D2HGDH: variants seen among roughly 807,000 people sequenced by gnomAD.
The protein encoded by D2HGDH is D-2-hydroxyglutarate dehydrogenase, mitochondrial.
In D2HGDH, 31 loss-of-function variants were observed where a neutral mutation model predicts 46.9. The ratio of observed to expected loss-of-function variants is 0.66; its 90% confidence interval spans 0.50 to 0.89. D2HGDH has a LOEUF of 0.89. Among genes scored for constraint, D2HGDH ranks in the 40% least tolerant of loss-of-function variants. The pLI is 0.00. For synonymous variants in D2HGDH, 364 were observed against 332.6 expected (o/e 1.09, Z -1.03); for missense variants, 698 against 720.8 (o/e 0.97, Z 0.36).
In D2HGDH at chr2:241,743,187, T is replaced by C. The variant is rs1158899495; in HGVS notation, c.491-435T>C. On this transcript the variant is annotated intron_variant, in intron 4 of 9. Transcript: ENST00000321264. This position sits in a 1 kb window ranked among gnomAD's most constrained non-coding sequence, Gnocchi z 4.8. ...TGGGCCTCTCCCCGCAAGGCCGGGC[T>C]CCAGGCCCCGGTCACTCTGTGGTCG... 1.3e-5 allele frequency among the ~76,000 whole-genome samples: 2 copies of C among 152,174 alleles called. No homozygotes were observed. The highest frequency in any genetic ancestry group is 4.8e-5 in the African/African-American group (2 of 41,438).
chr2:241,740,957 T>A, intron 2 of D2HGDH, 76 bp from the exon 3 acceptor site: 1 of 1,256,394 alleles, frequency 8.0e-7, no homozygotes. Flanking sequence ...AAAAACTCGC[T>A]CTCTGGGGCG....
At chr2:241,756,106 T>A (rs1698146767) in intron 9 of D2HGDH, 92 bp downstream of exon 9, 1 of 1,471,126 alleles carries the variant, frequency 6.8e-7, no homozygotes, top group African/African-American at 1.4e-5. Context: ...GCAGGGCAGT[T>A]TGACCATGGT....
chr2:241,754,153 C>A (rs903298325), intron 8 of D2HGDH, among the ~76,000 whole-genome samples: 1 of 152,222 alleles, frequency 6.6e-6, no homozygotes, highest in African/African-American at 2.4e-5. Context: ...CATCTTGTGG[C>A]CACGGGGACA....
At chr2:241,753,735 C>T (rs1450619152) in intron 8 of D2HGDH, among the ~76,000 whole-genome samples, 1 of 152,260 alleles carries the variant, frequency 6.6e-6, no homozygotes, top group Non-Finnish European at 1.5e-5. Context: ...GTCTCATTGG[C>T]ACTGCCTATC....
chr2:241,735,838 C>G, intron 2 of D2HGDH: 1 of 372,998 alleles, frequency 2.7e-6, no homozygotes, highest in Non-Finnish European at 5.0e-6. Context: ...CGTCGGCTCA[C>G]TGCCACCTCT....
At position 241,743,324 on chromosome 2, in the gene D2HGDH, G is replaced by T. The variant is rs1695020884; in HGVS notation, c.491-298G>T. ...CATGCCCAGGGCAGGATCAGCCCCA[G>T]CTGAGAATCTTCCCTCTTCTACTCC... On this transcript the variant is annotated intron_variant, in intron 4 of 9. Coordinates refer to ENST00000321264, the MANE Select transcript of D2HGDH (RefSeq NM_152783.5). This position sits in a 1 kb window ranked among gnomAD's most constrained non-coding sequence, Gnocchi z 4.8. Among the ~76,000 whole-genome samples the T allele has an allele frequency of 6.6e-6, 1 of 152,238 alleles. No individual in the cohort carries two copies. The highest frequency in any genetic ancestry group is 2.1e-4 in the South Asian group (1 of 4,838).
intron 9 of D2HGDH, 27 bp downstream of exon 9, chr2:241,756,041 C>A: frequency 1.3e-6 from 2 of 1,583,982 alleles, no homozygotes; most frequent in South Asian, 1.1e-5. Flanking sequence ...GGCCGCGGCC[C>A]TGTGTGTGCT....
At chr2:241,746,375 A>G (rs1426044372) in intron 6 of D2HGDH, among the ~76,000 whole-genome samples, 1 of 152,184 alleles carries the variant, frequency 6.6e-6, no homozygotes, top group East Asian at 1.9e-4. Context: ...TTTGATTATG[A>G]AAGTTTTTAT....
At position 241,748,121 on chromosome 2, in the gene D2HGDH, T is replaced by TTTTTTGTTTTTG. The variant is rs113421521; in HGVS notation, c.854-2023_854-2012dup. ...CCTCGCTCTTGATGCTCTTCAGCGT[T>TTTTTTGTTTTTG]TTTTTGTTTTTGTTTTTGAGACAGA... On this transcript the variant is annotated intron_variant, in intron 6 of 9. Coordinates refer to ENST00000321264, the MANE Select transcript of D2HGDH (RefSeq NM_152783.5). Among the ~76,000 whole-genome samples the TTTTTTGTTTTTG allele has an allele frequency of 9.7e-4, 146 of 150,722 alleles. 1 individual carries two copies. The highest frequency in any genetic ancestry group is 3.2e-3 in the East Asian group (16 of 5,062).
rs780930616 is a variant in D2HGDH, at chr2:241,735,381, C to A, written c.157C>A (p.Pro53Thr). The part of the protein sequence containing the change: ...PEVPLTRERY[P>T]VRRLPFSTVS... Reference sequence around the variant, plus strand: ...GGTGCCGCTGACCCGGGAGCGCTACCCCGTGCGGCGCTTGCCGTTCTCCAC... The same window carrying A: ...GGTGCCGCTGACCCGGGAGCGCTACACCGTGCGGCGCTTGCCGTTCTCCAC... Residue 53 changes from proline to threonine, a missense_variant, in exon 2 of 10, where the codon CCC becomes ACC. Pro to Thr is a conservative substitution (Grantham distance 38, BLOSUM62 -1). Coordinates refer to ENST00000321264, the MANE Select transcript of D2HGDH (RefSeq NM_152783.5). 1 of 1,586,558 alleles carries A rather than the reference C, an allele frequency of 6.3e-7. No homozygotes were observed.
At chr2:241,755,491 C>G (rs957502169) in intron 8 of D2HGDH, 3 of 1,335,954 alleles carry the variant, frequency 2.2e-6, no homozygotes, top group Admixed American at 2.3e-5. Context: ...GGCGCCTCCC[C>G]CTTCCGTCAT....
intron 3 of D2HGDH, among the ~76,000 whole-genome samples, chr2:241,741,526 T>C (rs1244208280): frequency 7.0e-6 from 1 of 142,054 alleles, no homozygotes; most frequent in African/African-American, 2.7e-5. Flanking sequence ...TTATTTCATG[T>C]GTGGGGCTTG....
chr2:241,748,207 C>T (rs965232480), intron 6 of D2HGDH, among the ~76,000 whole-genome samples: 8 of 152,094 alleles, frequency 5.3e-5, no homozygotes, highest in East Asian at 1.9e-4. Flanking sequence ...CTGAAACCTC[C>T]GCCTCCTGGT....
chr2:241,756,914 A>G (rs35350837), intron 9 of D2HGDH, among the ~76,000 whole-genome samples: 93,711 of 151,952 alleles, frequency 0.62, 31,340 homozygotes, highest in African/African-American at 0.9. Flanking sequence ...GGTGTGGAGC[A>G]TGGCTTTGGG....
At chr2:241,740,953 T>A in intron 2 of D2HGDH, 80 bp from the exon 3 acceptor site, 1 of 1,192,022 alleles carries the variant, frequency 8.4e-7, no homozygotes, top group Non-Finnish European at 1.2e-6. Context: ...AAAAAAAAAC[T>A]CGCTCTCTGG....
At chr2:241,750,437 C>T (rs1696973221) in intron 7 of D2HGDH, 143 bp downstream of exon 7, 20 of 1,029,918 alleles carry the variant, frequency 1.9e-5, no homozygotes, top group East Asian at 2.6e-5. Context: ...ATGGAGTGGC[C>T]GTTGGGCTCA....
chr2:241,763,235 G>T (rs1216781233), intron 9 of D2HGDH, among the ~76,000 whole-genome samples: 2 of 152,180 alleles, frequency 1.3e-5, no homozygotes, highest in East Asian at 3.8e-4. Context: ...CATCACGGAG[G>T]GCACTCACAC....
intron 2 of D2HGDH, 75 bp from the exon 3 acceptor site, chr2:241,740,958 C>G (rs1385921257): frequency 7.8e-7 from 1 of 1,279,156 alleles, no homozygotes; most frequent in Non-Finnish European, 1.1e-6. Flanking sequence ...AAAACTCGCT[C>G]TCTGGGGCGA....
chr2:241,749,305 G>GC (rs1559376245), intron 6 of D2HGDH: 1 of 1,288,432 alleles, frequency 7.8e-7, no homozygotes, highest in Admixed American at 2.3e-5. Context: ...GCAGGTGTCT[G>GC]CCCCCAGCCT....
Sources: allele counts gnomAD v4.1 joint callset (sites outside exome capture counted in the v4.1 genomes callset), GRCh38; gene constraint gnomAD v4.1.1; non-coding constraint Gnocchi (gnomAD v3.1); transcripts MANE v1.5; gene names NCBI Gene and HGNC (gene_info 2026-07-23, HGNC 2026-07-21).